CCDC192: variants seen among roughly 807,000 people sequenced by gnomAD.
CCDC192 encodes coiled-coil domain-containing protein 192.
intron 2 of CCDC192, among the ~76,000 whole-genome samples, chr5:127,742,812 T>C (rs565686761): frequency 1.3e-5 from 2 of 152,314 alleles, no homozygotes; most frequent in East Asian, 1.9e-4. Context: ...TGGAATCAAT[T>C]TGGCTTCATG....
chr5:127,786,330 T>C, intron 3 of CCDC192: 1 of 630,762 alleles, frequency 1.6e-6, no homozygotes, highest in African/African-American at 1.8e-5. Flanking sequence ...AAAATCTCTC[T>C]GTGACAGAAA....
rs1418106856 is a variant in CCDC192 at position 127,703,422 on chromosome 5, G to A, written c.-24G>A. ...TGTTGACGTCTGTCCCAGGGACAGG[G>A]GATCCCAGTGGGTCTGGCTTGAGAT... is the stretch of plus-strand genomic sequence containing the variant. On this transcript the variant is annotated 5_prime_UTR_variant, in exon 1 of 7. Transcript: ENST00000514853. The A allele has an allele frequency of 1.0e-5, 4 of 398,880 alleles. No individual in the cohort carries two copies. The highest frequency in any genetic ancestry group is 1.3e-5 in the Non-Finnish European group (3 of 226,072). 24.7% of individuals were successfully genotyped at this position (398,880 alleles called of 1,614,324 possible).
At chr5:127,892,725 T>G (rs1247718011) in intron 6 of CCDC192, among the ~76,000 whole-genome samples, 1 of 152,186 alleles carries the variant, frequency 6.6e-6, no homozygotes, top group Non-Finnish European at 1.5e-5. Flanking sequence ...TGAATTTAAA[T>G]AAAGTACTCA....
At chr5:127,788,173 G>A (rs1356984708) in intron 3 of CCDC192, among the ~76,000 whole-genome samples, 1 of 150,930 alleles carries the variant, frequency 6.6e-6, no homozygotes, top group East Asian at 1.9e-4. Flanking sequence ...TCTATCAATA[G>A]TTGCTTCATG....
intron 5 of CCDC192, among the ~76,000 whole-genome samples, chr5:127,816,108 G>A (rs1487746383): frequency 6.6e-6 from 1 of 152,110 alleles, no homozygotes; most frequent in East Asian, 1.9e-4. Flanking sequence ...AATGAGGAGG[G>A]GAGGGGCTTA....
intron 5 of CCDC192, among the ~76,000 whole-genome samples, chr5:127,872,316 T>G (rs1166950787): frequency 2.0e-5 from 3 of 152,254 alleles, no homozygotes; most frequent in African/African-American, 7.2e-5. Context: ...AAGTGATATT[T>G]TGGTTCACAT....
intron 6 of CCDC192, among the ~76,000 whole-genome samples, chr5:127,907,382 C>T (rs1753227072): frequency 6.6e-6 from 1 of 152,156 alleles, no homozygotes; most frequent in East Asian, 1.9e-4. Flanking sequence ...AAAGTTATCT[C>T]AAGTAATTTA....
chr5:127,932,304 A>G (rs1754057706), intron 6 of CCDC192, among the ~76,000 whole-genome samples: 1 of 152,048 alleles, frequency 6.6e-6, no homozygotes, highest in East Asian at 1.9e-4. Context: ...TTTCAAGTTC[A>G]AGTGATACTC....
intron 5 of CCDC192, among the ~76,000 whole-genome samples, chr5:127,860,044 C>G (rs976847011): frequency 6.6e-6 from 1 of 152,158 alleles, no homozygotes; most frequent in African/African-American, 2.4e-5. Context: ...CTTAGTACTT[C>G]AAGACTCAGC....
At chr5:127,919,704 C>T (rs796172058) in intron 6 of CCDC192, among the ~76,000 whole-genome samples, 52 of 152,238 alleles carry the variant, frequency 3.4e-4, no homozygotes, top group African/African-American at 1.1e-3. Context: ...CAGAGTGTCA[C>T]TCTTTTCCAA....
At chr5:127,815,112 C>T in intron 5 of CCDC192, among the ~76,000 whole-genome samples, 1 of 152,056 alleles carries the variant, frequency 6.6e-6, no homozygotes, top group East Asian at 1.9e-4. Context: ...AGACTCTAGG[C>T]TGGTGTTTCT....
chr5:127,853,157 G>C (rs1750878166), intron 5 of CCDC192, among the ~76,000 whole-genome samples: 1 of 152,084 alleles, frequency 6.6e-6, no homozygotes. Flanking sequence ...GATGTTTACT[G>C]TCCACCAGAA....
intron 1 of CCDC192, among the ~76,000 whole-genome samples, chr5:127,707,188 C>T (rs1214691342): frequency 6.6e-6 from 1 of 152,068 alleles, no homozygotes; most frequent in African/African-American, 2.4e-5. Flanking sequence ...GTGAGAATAT[C>T]GTTTTGCTGT....
chr5:127,929,932 A>G (rs911775180), intron 6 of CCDC192, among the ~76,000 whole-genome samples: 6 of 152,132 alleles, frequency 3.9e-5, no homozygotes, highest in African/African-American at 1.4e-4. Flanking sequence ...GGCCAGGCGC[A>G]GTGACTCACA....
chr5:127,882,553 T>C (rs544588552), intron 6 of CCDC192, among the ~76,000 whole-genome samples: 93 of 152,320 alleles, frequency 6.1e-4, no homozygotes, highest in African/African-American at 2.2e-3. Context: ...ATTTTTAATA[T>C]AGTAAAGCCA....
intron 2 of CCDC192, among the ~76,000 whole-genome samples, chr5:127,738,826 A>G (rs531274485): frequency 8.5e-5 from 13 of 152,218 alleles, no homozygotes; most frequent in Middle Eastern, 3.4e-3. Context: ...CTAGTTACAC[A>G]TTCTTCTAAA....
chr5:127,775,195 A>G (rs1301619695), intron 3 of CCDC192, among the ~76,000 whole-genome samples: 1 of 152,090 alleles, frequency 6.6e-6, no homozygotes, highest in African/African-American at 2.4e-5. Flanking sequence ...GCCTGGGAGC[A>G]TTCCTTTCAT....
At chr5:127,719,582 C>CA (rs1751888759) in intron 2 of CCDC192, among the ~76,000 whole-genome samples, 1 of 121,860 alleles carries the variant, frequency 8.2e-6, no homozygotes, top group African/African-American at 3.4e-5. Context: ...TATATATATA[C>CA]CAAGCAGTGG....
At position 127,921,953 on chromosome 5, in the gene CCDC192, G is replaced by A. The variant is rs192990669; in HGVS notation, c.536-19229G>A. ...CATTGTCGTGCACTAAAAAGTACAT[G>A]CTACTAAAAATATTTCTTCCTATTT... On this transcript the variant is annotated intron_variant, in intron 6 of 6. Transcript: ENST00000514853. 1.1e-3 allele frequency among the ~76,000 whole-genome samples: 170 copies of A among 152,288 alleles called. 1 individual carries two copies. The highest frequency in any genetic ancestry group is 6.8e-3 in the Middle Eastern group (2 of 294).
Sources: allele counts gnomAD v4.1 joint callset (sites outside exome capture counted in the v4.1 genomes callset), GRCh38; gene constraint gnomAD v4.1.1; transcripts MANE v1.5; gene names NCBI Gene and HGNC (gene_info 2026-07-23, HGNC 2026-07-21).